PITPNC1: variants seen among roughly 807,000 people sequenced by gnomAD.
PITPNC1 encodes the protein phosphatidylinositol transfer protein cytoplasmic 1, also known as cytoplasmic phosphatidylinositol transfer protein 1.
In PITPNC1, 18 loss-of-function variants were observed where a neutral mutation model predicts 44.7. The ratio of observed to expected loss-of-function variants is 0.40; its 90% CI spans 0.28 to 0.60. PITPNC1 has a LOEUF of 0.60. Ranked by LOEUF, PITPNC1 falls within the 20% of genes least tolerant of loss-of-function variation. PITPNC1 has a pLI of 0.39. For synonymous variants in PITPNC1, 141 were observed against 149.6 expected, an observed-to-expected ratio of 0.94 and a Z score of 0.42; for missense variants, 290 against 418.4, an observed-to-expected ratio of 0.69 and a Z score of 2.68.
intron 4 of PITPNC1, among the ~76,000 whole-genome samples, chr17:67,575,819 TTTCC>T (rs1173397726): frequency 3.3e-4 from 36 of 108,526 alleles, no homozygotes; most frequent in South Asian, 1.2e-3. Context: ...TCTTTCTTTC[TTTCC>T]TTCCTTCCTT....
At chr17:67,599,024 ATATATATATATTTTTTT>A (rs1158919620) in intron 5 of PITPNC1, among the ~76,000 whole-genome samples, 35 of 35,842 alleles carry the variant, frequency 9.8e-4, no homozygotes, top group African/African-American at 3.3e-3. Flanking sequence ...ATATATATAT[ATATATATATATTTTTTT>A]TTTTTTTTTT....
At position 67,405,690 on chromosome 17, in the gene PITPNC1, C is replaced by G. The variant is rs1462031001; in HGVS notation, c.48+27488C>G. ...TCGTGATCTCAGCTTACTGCAACTT[C>G]TGCCTCCTGGGTTCAAGCGATTCTC... On this transcript the variant is annotated intron_variant, in intron 1 of 8. Coordinates refer to ENST00000581322, the MANE Select transcript of PITPNC1 (RefSeq NM_012417.4). 2.6e-5 allele frequency among the ~76,000 whole-genome samples: 4 copies of G among 151,466 alleles called. No individual in the cohort carries two copies. The East Asian group carries it at 7.8e-4, about 29-fold the overall frequency.
intron 1 of PITPNC1, among the ~76,000 whole-genome samples, chr17:67,519,171 G>GTTTTTTTTTTTTTTTTTTT (rs563294178): frequency 1.3e-5 from 1 of 78,752 alleles, no homozygotes; most frequent in Non-Finnish European, 2.3e-5. Context: ...GCAGCATTCT[G>GTTTTTTTTTTTTTTTTTTT]TTTTTTTTTT....
chr17:67,405,550 G>A (rs749323868), intron 1 of PITPNC1, among the ~76,000 whole-genome samples: 10 of 151,748 alleles, frequency 6.6e-5, no homozygotes, highest in South Asian at 6.2e-4. Flanking sequence ...TAAATCTATC[G>A]TCCGTTTAAT....
At chr17:67,415,870 A>AT (rs1381894324) in intron 1 of PITPNC1, among the ~76,000 whole-genome samples, 4 of 151,890 alleles carry the variant, frequency 2.6e-5, no homozygotes, top group Non-Finnish European at 5.9e-5. Flanking sequence ...GAGTCATGAA[A>AT]TATGAATGAA....
At chr17:67,432,298 G>C (rs1485038999) in intron 1 of PITPNC1, among the ~76,000 whole-genome samples, 2 of 152,240 alleles carry the variant, frequency 1.3e-5, no homozygotes, top group South Asian at 2.1e-4. Flanking sequence ...GACCATCCTG[G>C]CTAACACGGT....
intron 5 of PITPNC1, among the ~76,000 whole-genome samples, chr17:67,587,107 G>T (rs1034451865): frequency 5.3e-5 from 8 of 152,116 alleles, no homozygotes; most frequent in Non-Finnish European, 1.0e-4. Flanking sequence ...AGGAGAAGCA[G>T]GTTCTGAGAA....
At chr17:67,417,129 C>T (rs759233834) in intron 1 of PITPNC1, among the ~76,000 whole-genome samples, 22 of 151,788 alleles carry the variant, frequency 1.4e-4, no homozygotes, top group Non-Finnish European at 2.8e-4. Context: ...TCAGCATTCT[C>T]TTAAAAAAAA....
intron 5 of PITPNC1, among the ~76,000 whole-genome samples, chr17:67,619,615 G>A (rs1598894791): frequency 6.6e-6 from 1 of 152,230 alleles, no homozygotes; most frequent in Admixed American, 6.5e-5. Context: ...CATGCACAGT[G>A]CCCGCAGATG....
chr17:67,470,048 A>G (rs2039495218), intron 1 of PITPNC1, among the ~76,000 whole-genome samples: 1 of 151,966 alleles, frequency 6.6e-6, no homozygotes, highest in Non-Finnish European at 1.5e-5. Flanking sequence ...TCAGCCTCCC[A>G]AGTAGCCAGG....
intron 1 of PITPNC1, among the ~76,000 whole-genome samples, chr17:67,385,737 C>T (rs1027767465): frequency 1.6e-5 from 1 of 61,200 alleles, no homozygotes; most frequent in African/African-American, 6.2e-5. Flanking sequence ...AGCTGTCTGG[C>T]AAAGCTCCGG....
chr17:67,647,231 G>T (rs560025208), intron 6 of PITPNC1, among the ~76,000 whole-genome samples: 1 of 152,016 alleles, frequency 6.6e-6, no homozygotes, highest in South Asian at 2.1e-4. Context: ...AGCAGCTTGG[G>T]TCTGTAAAAA....
At chr17:67,401,285 C>G (rs545373624) in intron 1 of PITPNC1, among the ~76,000 whole-genome samples, 1 of 152,234 alleles carries the variant, frequency 6.6e-6, no homozygotes, top group South Asian at 2.1e-4. Context: ...AGTATTAAAC[C>G]AGTTAAACTT....
At chr17:67,554,985 T>C (rs901711816) in intron 4 of PITPNC1, among the ~76,000 whole-genome samples, 3 of 152,252 alleles carry the variant, frequency 2.0e-5, no homozygotes, top group Admixed American at 2.0e-4. Context: ...TGTTGGTAAT[T>C]ATATCCCATC....
intron 2 of PITPNC1, among the ~76,000 whole-genome samples, chr17:67,542,885 T>A (rs2040627783): frequency 6.6e-6 from 1 of 152,210 alleles, no homozygotes; most frequent in African/African-American, 2.4e-5. Context: ...AATGAGAAAG[T>A]TGCTCAAAGG....
intron 1 of PITPNC1, among the ~76,000 whole-genome samples, chr17:67,417,527 GCCTC>G (rs2038606553): frequency 6.6e-6 from 1 of 152,192 alleles, no homozygotes; most frequent in South Asian, 2.1e-4. Flanking sequence ...TTGGTTGCCA[GCCTC>G]CCTGAGTCTT....
chr17:67,494,211 T>TCTCTCTC (rs2039908457), intron 1 of PITPNC1, among the ~76,000 whole-genome samples: 1 of 149,318 alleles, frequency 6.7e-6, no homozygotes, highest in African/African-American at 2.5e-5. Context: ...CTTTCTTTCT[T>TCTCTCTC]TCTTTTTGAG....
Position 67,553,607 on chromosome 17 carries a change from C to A in PITPNC1, c.287-3C>A. 1 of 1,223,896 alleles carries A rather than the reference C, an allele frequency of 8.2e-7. No individual in the cohort carries two copies. Among genetic ancestry groups the A allele is most frequent in the Non-Finnish European group, 1.1e-6 (1 of 882,930 alleles). The allele number at this position is 1,223,896 out of a possible 1,614,324, so 75.8% of individuals were successfully genotyped here. On this transcript the variant is annotated splice_region_variant and splice_polypyrimidine_tract_variant and intron_variant, in intron 3 of 8. Transcript: ENST00000581322. ...TCTTCTTCAAATGAACATGTGGAAA[C>A]AGAATACACAGTAAGTTCCATTTAA...
At position 67,696,900 on chromosome 17, in the gene PITPNC1, C is replaced by T. The variant is rs892529637; in HGVS notation, c.*4012C>T. 1.3e-5 allele frequency: 2 copies of T among 152,182 alleles called. No individual in the cohort carries two copies. The highest frequency in any genetic ancestry group is 1.5e-5 in the Non-Finnish European group (1 of 68,038). 9.4% of individuals were successfully genotyped at this position (152,182 alleles called of 1,614,324 possible). A position where few individuals can be genotyped will look rare whatever the true frequency, so the allele number is the denominator to read the frequency against. Reference sequence around the variant, plus strand: ...TTTTTGCTTTAAATTGAAAGCATGTCTGTCAAATTGCAAGTCTCCCTTCAG... The same window carrying T: ...TTTTTGCTTTAAATTGAAAGCATGTTTGTCAAATTGCAAGTCTCCCTTCAG... On this transcript the variant is annotated 3_prime_UTR_variant, in exon 9 of 9. Coordinates refer to ENST00000581322, the MANE Select transcript of PITPNC1 (RefSeq NM_012417.4).
Sources: allele counts gnomAD v4.1 joint callset (sites outside exome capture counted in the v4.1 genomes callset), GRCh38; gene constraint gnomAD v4.1.1; transcripts MANE v1.5; gene names NCBI Gene and HGNC (gene_info 2026-07-23, HGNC 2026-07-21).